The following MCMBP variants were observed in gnomAD, a reference collection of about 807,000 sequenced individuals.
MCMBP encodes minichromosome maintenance complex binding protein, also known as mini-chromosome maintenance complex-binding protein.
MCMBP carries 31 observed loss-of-function variants against 81.3 expected under a neutral mutation model. The observed-to-expected ratio is 0.38, with a 90% CI of 0.29 to 0.51. The LOEUF (loss-of-function observed/expected upper bound fraction) is 0.51, where lower values mean the gene tolerates loss of function less well. MCMBP is among the 20% of genes least tolerant of loss of function. The pLI is 0.87. For missense variants in MCMBP, 645 were observed against 772.1 expected (o/e 0.84, Z 1.95); for synonymous variants, 267 against 275.9 (o/e 0.97, Z 0.32).
chr10:119,841,602 G>T (rs945353816), intron 10 of MCMBP, among the ~76,000 whole-genome samples: 2 of 152,184 alleles, frequency 1.3e-5, no homozygotes, highest in Admixed American at 1.3e-4. Flanking sequence ...GTGTAACTAA[G>T]ACCTATGCAA....
chr10:119,835,204 A>T (rs1449934592), intron 14 of MCMBP, among the ~76,000 whole-genome samples: 1 of 152,244 alleles, frequency 6.6e-6, no homozygotes, highest in African/African-American at 2.4e-5. Context: ...TGTATAATAT[A>T]ATTAAAATGG....
chr10:119,873,334 C>T (rs976279730), upstream of MCMBP: 1 of 152,186 alleles, frequency 6.6e-6, no homozygotes, highest in Non-Finnish European at 1.5e-5. Context: ...CAAGGTCTCC[C>T]TGAGGAAGGT....
chr10:119,833,071 C>T (rs1852103630), intron 14 of MCMBP, among the ~76,000 whole-genome samples: 1 of 152,152 alleles, frequency 6.6e-6, no homozygotes, highest in African/African-American at 2.4e-5. Flanking sequence ...TGAGGGCTTG[C>T]CCCAACTTTT....
chr10:119,849,867 T>C (rs914936523), intron 6 of MCMBP, among the ~76,000 whole-genome samples: 5 of 152,214 alleles, frequency 3.3e-5, no homozygotes, highest in Non-Finnish European at 5.9e-5. Flanking sequence ...CAAAAGTTGA[T>C]TTGCAATATG....
chr10:119,846,819 C>T (rs898460093), intron 8 of MCMBP, among the ~76,000 whole-genome samples: 5 of 151,980 alleles, frequency 3.3e-5, no homozygotes, highest in Admixed American at 1.3e-4. Context: ...AACCAGGAAG[C>T]GGGCCCTCAC....
rs1437630541 is a variant in MCMBP at position 119,830,685 on chromosome 10, G to A, written c.*789C>T. ...GTCTTGGTTTCTTTTGCCCCCAAAA[G>A]CCACATTCATTCCGTTTAAAGGACT... On this transcript the variant is annotated 3_prime_UTR_variant, in exon 16 of 16. Coordinates refer to ENST00000369077, the MANE Select transcript of MCMBP (RefSeq NM_001256378.2). 3 of 152,670 alleles carry A rather than the reference G, an allele frequency of 2.0e-5. No homozygotes were observed. In the South Asian group the frequency reaches 6.2e-4, roughly 32 times the overall value. The allele number at this position is 152,670 out of a possible 1,614,324, so 9.5% of individuals were successfully genotyped here.
chr10:119,841,864 A>T (rs1055880501), intron 10 of MCMBP, among the ~76,000 whole-genome samples: 6 of 152,242 alleles, frequency 3.9e-5, no homozygotes, highest in African/African-American at 1.4e-4. Context: ...AGCGTTCAGA[A>T]TGCAAAAGGG....
At chr10:119,837,934 G>A (rs1347976465) in intron 12 of MCMBP, among the ~76,000 whole-genome samples, 1 of 152,074 alleles carries the variant, frequency 6.6e-6, no homozygotes, top group Non-Finnish European at 1.5e-5. Context: ...CACTGTGGGA[G>A]GCCAAGGCAG....
intron 5 of MCMBP, among the ~76,000 whole-genome samples, chr10:119,853,848 A>C (rs561619570): frequency 5.1e-4 from 78 of 152,288 alleles, no homozygotes; most frequent in African/African-American, 1.8e-3. Flanking sequence ...ACCCAGAAAT[A>C]GCAGACCTCA....
At chr10:119,862,637 A>G (rs1193169701) in intron 1 of MCMBP, among the ~76,000 whole-genome samples, 2 of 152,234 alleles carry the variant, frequency 1.3e-5, no homozygotes, top group African/African-American at 4.8e-5. Context: ...ACTATAAACA[A>G]AACTATAAAA....
chr10:119,859,457 A>T (rs188732389), intron 2 of MCMBP, among the ~76,000 whole-genome samples: 85 of 152,356 alleles, frequency 5.6e-4, no homozygotes, highest in African/African-American at 1.9e-3. Context: ...CTTTTCAATG[A>T]TCAAAAAGGC....
At chr10:119,869,673 G>C (rs1392331765) in intron 1 of MCMBP, among the ~76,000 whole-genome samples, 1 of 152,012 alleles carries the variant, frequency 6.6e-6, no homozygotes, top group East Asian at 1.9e-4. Flanking sequence ...GGAGGTTGCA[G>C]TGAGCCGAGA....
chr10:119,831,516 C>T lies in MCMBP; in HGVS notation c.1881G>A (p.Thr627=), dbSNP rs551411628. The part of the protein sequence containing the change: ...RAKQLESLRR[T]RLQQQKCVNG... ...TCACACATTTTTGCTGCTGAAGCCT[C>T]GTTCTTCTTAAAGACTCTAGCTGCT... Residue 627 remains threonine, a synonymous_variant, in exon 16 of 16, where the codon ACG becomes ACA. Transcript: ENST00000369077. The T allele has an allele frequency of 9.9e-6, 16 of 1,614,044 alleles. No individual in the cohort carries two copies. Among genetic ancestry groups the T allele is most frequent in the East Asian group, 8.9e-5 (4 of 44,882 alleles).
chr10:119,842,312 A>C (rs1852460957), intron 10 of MCMBP, among the ~76,000 whole-genome samples, 160 bp downstream of exon 10: 1 of 152,184 alleles, frequency 6.6e-6, no homozygotes, highest in Admixed American at 6.5e-5. Context: ...TGAGAAAAGG[A>C]ATTTGTCTGT....
At chr10:119,836,539 T>G (rs140726905) in intron 13 of MCMBP, among the ~76,000 whole-genome samples, 1 of 152,270 alleles carries the variant, frequency 6.6e-6, no homozygotes, top group East Asian at 1.9e-4. Flanking sequence ...TCTGAAATAT[T>G]TTTCACATAA....
chr10:119,870,382 G>A (rs1037036933), intron 1 of MCMBP, among the ~76,000 whole-genome samples: 9 of 152,222 alleles, frequency 5.9e-5, no homozygotes, highest in African/African-American at 1.9e-4. Flanking sequence ...AGGAGGCGGA[G>A]GTTGCAGTGA....
intron 8 of MCMBP, among the ~76,000 whole-genome samples, chr10:119,847,088 AAG>A (rs1428980704): frequency 6.6e-6 from 1 of 152,212 alleles, no homozygotes; most frequent in East Asian, 1.9e-4. Context: ...AATCAAGTTT[AAG>A]AGAGTTACAC....
chr10:119,835,849 C>G (rs1020637919), intron 13 of MCMBP, 145 bp from the exon 14 acceptor site: 8 of 909,822 alleles, frequency 8.8e-6, no homozygotes, highest in Admixed American at 2.7e-5. Context: ...GTTTTTTTTT[C>G]TGTGTGTGAG....
intron 12 of MCMBP, 152 bp downstream of exon 12, chr10:119,838,383 T>C (rs1476621320): frequency 4.7e-6 from 3 of 641,062 alleles, no homozygotes; most frequent in Non-Finnish European, 7.4e-6. Flanking sequence ...AATTAGTTTA[T>C]AACATATGCT....
Sources: allele counts gnomAD v4.1 joint callset (sites outside exome capture counted in the v4.1 genomes callset), GRCh38; gene constraint gnomAD v4.1.1; transcripts MANE v1.5; gene names NCBI Gene and HGNC (gene_info 2026-07-23, HGNC 2026-07-21).